VPS13C: variants seen among roughly 807,000 people sequenced by gnomAD.
The protein encoded by VPS13C is intermembrane lipid transfer protein VPS13C.
Under a neutral mutation model 456.8 loss-of-function variants are expected in VPS13C, and 358 were observed. That is an observed-to-expected ratio of 0.78 (90% CI 0.72 to 0.86). The LOEUF (loss-of-function observed/expected upper bound fraction) is 0.86, where lower values mean the gene tolerates loss of function less well. Ranked by LOEUF, VPS13C falls within the 40% of genes least tolerant of loss-of-function variation. VPS13C has a pLI of 0.00. For synonymous variants in VPS13C, 1,578 were observed against 1,486.7 expected (o/e 1.06, Z -1.41); for missense variants, 4,818 against 4,385.4 (o/e 1.10, Z -2.79).
intron 53 of VPS13C, among the ~76,000 whole-genome samples, chr15:61,923,958 C>T (rs900155564): frequency 1.9e-3 from 275 of 144,640 alleles, no homozygotes; most frequent in African/African-American, 6.7e-3. Flanking sequence ...CTCCGCCTCC[C>T]GGGTTCACGC....
Position 61,981,357 on chromosome 15 carries a change from A to T in VPS13C, c.2151T>A (p.Asp717Glu), listed in dbSNP as rs777475308. The T allele has an allele frequency of 3.3e-5, 53 of 1,609,518 alleles. No individual in the cohort carries two copies. The South Asian group carries it at 5.9e-4, about 18-fold the overall frequency. ...HHEKSDLLIL[D>E]FGTFQLNSKD... is the part of the protein sequence containing the mutation. Reference sequence around the variant, plus strand: ...ATATACCTACCTGAAATGTACCAAAATCTAAAATCAGAAGATCTGACTTTT... The same window carrying T: ...ATATACCTACCTGAAATGTACCAAATTCTAAAATCAGAAGATCTGACTTTT... Residue 717 changes from aspartate to glutamate, a missense_variant, in exon 22 of 85, where the codon GAT (aspartate) becomes GAA (glutamate). Asp to Glu is a conservative substitution (Grantham distance 45). Around this residue, in one of 3 missense-constraint regions of VPS13C, gnomAD observed 4,552 missense variants for 4,130.6 expected, o/e 1.10. Transcript: ENST00000644861.
At chr15:61,956,847 GGAAA>G (rs1567044853) in intron 37 of VPS13C, among the ~76,000 whole-genome samples, 1 of 152,100 alleles carries the variant, frequency 6.6e-6, no homozygotes, top group Non-Finnish European at 1.5e-5. Flanking sequence ...ATTGCTGCTA[GGAAA>G]GTAAATTGGT....
At chr15:61,974,183 T>G in intron 25 of VPS13C, 105 bp downstream of exon 25, 1 of 1,156,504 alleles carries the variant, frequency 8.6e-7, no homozygotes, top group South Asian at 2.6e-5. Context: ...CTTTCATTTC[T>G]GTACTTTTGG....
intron 30 of VPS13C, 47 bp downstream of exon 30, chr15:61,966,036 C>G (rs548963486): frequency 1.0e-4 from 145 of 1,457,144 alleles, no homozygotes; most frequent in Non-Finnish European, 1.3e-4. Flanking sequence ...GGCTTTGAGA[C>G]TAGGTTATTT....
chr15:61,986,747 T>C (rs2046068814), intron 18 of VPS13C, among the ~76,000 whole-genome samples: 1 of 151,998 alleles, frequency 6.6e-6, no homozygotes, highest in Non-Finnish European at 1.5e-5. Flanking sequence ...ATGAGAGAGA[T>C]GGGTGGAAAT....
Position 61,922,032 on chromosome 15 carries a change from A to T in VPS13C, c.6977T>A (p.Val2326Glu). The change falls in exon 55 of 85, where the codon GTG becomes GAG. Residue 2326 changes from valine to glutamate, a missense_variant and splice_region_variant. By Grantham distance (121) the Val-to-Glu change is moderately radical (BLOSUM62 -2). Transcript: ENST00000644861. ...MAAVADVTLQ[V>E]HYYNEIHAVW... ...AGCATGGATCTCATTGTAATAGTGC[A>T]CCTGGAAAGATACACACAAAATTAT... 6.2e-7 allele frequency: 1 copy of T among 1,613,358 alleles called. No individual in the cohort carries two copies. The highest frequency in any genetic ancestry group is 1.1e-5 in the South Asian group (1 of 90,992).
chr15:61,982,427 C>A, intron 21 of VPS13C, 32 bp downstream of exon 21: 2 of 1,540,300 alleles, frequency 1.3e-6, no homozygotes, highest in Non-Finnish European at 8.8e-7. Context: ...TTAAGCTTAG[C>A]TGATGCTTAT....
intron 42 of VPS13C, 78 bp downstream of exon 42, chr15:61,949,365 T>C (rs1301292948): frequency 9.3e-6 from 14 of 1,510,218 alleles, no homozygotes; most frequent in African/African-American, 1.4e-5. Flanking sequence ...TAAATATTCA[T>C]CTTAACTGAA....
In VPS13C at chr15:62,008,276, C is replaced by T. The variant is rs8027488; in HGVS notation, c.1118+379G>A. ...ATTAGCTGGGCGTGGTTGCACACCC[C>T]GTACCCCCAGCTACTTGGGAGGCTG... On this transcript the variant is annotated intron_variant, in intron 14 of 84. Transcript: ENST00000644861. 6.6e-3 allele frequency among the ~76,000 whole-genome samples: 1,005 copies of T among 151,748 alleles called. 8 individuals are homozygous for T. The highest frequency in any genetic ancestry group is 0.022 in the African/African-American group (910 of 41,366).
Position 61,964,831 on chromosome 15 carries a change from G to T in VPS13C, c.3082C>A (p.Gln1028Lys), listed in dbSNP as rs1299444716. 3 of 1,599,866 alleles carry T rather than the reference G, an allele frequency of 1.9e-6. No homozygotes were observed. Among genetic ancestry groups the T allele is most frequent in the Non-Finnish European group, 2.6e-6 (3 of 1,175,928 alleles). ...ATAGAAGCGACAAGAGCTTGTGTTT[G>T]CAGCAACAGATTTAAAGATGAAAAG... ...VAFSSLNLLL[Q>K]TQALVASINY... Residue 1028 changes from glutamine to lysine, a missense_variant, in exon 31 of 85, where the codon CAA becomes AAA. By Grantham distance (53) the Gln-to-Lys change is moderately conservative. This residue lies in a region of VPS13C where 4,552 missense variants were observed against 4,130.6 expected (regional missense o/e 1.10). Coordinates refer to ENST00000644861, the MANE Select transcript of VPS13C (RefSeq NM_020821.3).
chr15:61,917,678 A>G (rs2043516879), intron 59 of VPS13C, 43 bp from the exon 60 acceptor site: 1 of 1,571,622 alleles, frequency 6.4e-7, no homozygotes, highest in East Asian at 2.3e-5. Context: ...TTGATCCACA[A>G]CTTAAAAAAA....
chr15:61,890,254 A>T lies in VPS13C; in HGVS notation c.9252T>A (p.Asp3084Glu). The change falls in exon 67 of 85, where the codon GAT (aspartate) becomes GAA (glutamate). Residue 3084 changes from aspartate to glutamate, a missense_variant. Coordinates refer to ENST00000644861, the MANE Select transcript of VPS13C (RefSeq NM_020821.3). ...ALQAEEMEQA[D>E]YEITLSLHSL... is the part of the protein sequence containing the mutation. Reference sequence around the variant, plus strand: ...TGTGGAGAGACAAGGTTATTTCATAATCAGCCTGTTCCATTTCTTCTGCCT... The same window carrying T: ...TGTGGAGAGACAAGGTTATTTCATATTCAGCCTGTTCCATTTCTTCTGCCT... 1 of 1,614,096 alleles carries T rather than the reference A, an allele frequency of 6.2e-7. No homozygotes were observed. The highest frequency in any genetic ancestry group is 1.1e-5 in the South Asian group (1 of 91,078).
At chr15:61,907,149 G>A (rs1186471412) in intron 66 of VPS13C, 115 bp downstream of exon 66, 2 of 1,517,862 alleles carry the variant, frequency 1.3e-6, no homozygotes, top group Non-Finnish European at 1.8e-6. Flanking sequence ...ACTTTTTCTG[G>A]AAATACTTCC....
At chr15:62,050,881 A>T (rs1265920276) in intron 1 of VPS13C, among the ~76,000 whole-genome samples, 2 of 152,022 alleles carry the variant, frequency 1.3e-5, no homozygotes, top group Admixed American at 1.3e-4. Flanking sequence ...AGTGAACCAG[A>T]AGATGAAAAT....
intron 15 of VPS13C, among the ~76,000 whole-genome samples, chr15:62,001,144 T>G (rs947315026): frequency 1.3e-5 from 2 of 152,238 alleles, no homozygotes; most frequent in African/African-American, 4.8e-5. Context: ...TGACCTGTGT[T>G]CCAAGTGCTT....
rs1406439136 is a variant in VPS13C at position 61,880,622 on chromosome 15, A to G, written c.9989T>C (p.Ile3330Thr). ...SILSFFEHFH[I>T]SPVKLHLSLS... ...ATTACAACAAACCTTCACAGGAGAA[A>G]TATGGAAATGTTCAAAGAAACTAAG... The change falls in exon 73 of 85, where the codon ATT (isoleucine) becomes ACT (threonine). Residue 3330 changes from isoleucine to threonine, a missense_variant. Physicochemically the swap from Ile to Thr is moderately conservative, Grantham distance 89. Around this residue, in one of 3 missense-constraint regions of VPS13C, gnomAD observed 4,552 missense variants for 4,130.6 expected, o/e 1.10. Transcript: ENST00000644861. 6.4e-7 allele frequency: 1 copy of G among 1,572,718 alleles called. No homozygotes were observed. Among genetic ancestry groups the G allele is most frequent in the Non-Finnish European group, 8.6e-7 (1 of 1,160,584 alleles).
chr15:62,012,926 G>C (rs2047097339), intron 11 of VPS13C, 113 bp downstream of exon 11: 1 of 583,352 alleles, frequency 1.7e-6, no homozygotes, highest in African/African-American at 1.9e-5. Flanking sequence ...CTGATTTAGT[G>C]AAATACAAGT....
At chr15:61,967,787 C>T (rs1463505321) in intron 28 of VPS13C, among the ~76,000 whole-genome samples, 1 of 151,806 alleles carries the variant, frequency 6.6e-6, no homozygotes, top group Non-Finnish European at 1.5e-5. Flanking sequence ...AAGAGGAAAG[C>T]TTTGTTTTTG....
Position 62,041,489 on chromosome 15 carries a change from T to C in VPS13C, c.145-123A>G, listed in dbSNP as rs1276177713. On this transcript the variant is annotated intron_variant, in intron 2 of 84. Coordinates refer to ENST00000644861, the MANE Select transcript of VPS13C (RefSeq NM_020821.3). ...AAACAAAAACCAAATTTTCTATATT[T>C]GAATAACTCATAAAGGACATGTTTT... The C allele has an allele frequency of 9.1e-6, 8 of 883,752 alleles. No homozygotes were observed. In the East Asian group the frequency reaches 2.2e-4, roughly 24 times the overall value. The allele number at this position is 883,752 out of a possible 1,614,324, so 54.7% of individuals were successfully genotyped here. A position where few individuals can be genotyped will look rare whatever the true frequency, so the allele number is the denominator to read the frequency against.
Sources: gnomAD v4.1 joint callset for allele counts (sites outside exome capture counted in the v4.1 genomes callset) on GRCh38, gnomAD v4.1.1 for gene constraint, gnomAD v4.1.1 regional missense constraint, MANE v1.5 for transcripts, NCBI Gene and HGNC (gene_info 2026-07-23, HGNC 2026-07-21) for gene names.